ABLIM3: variants seen among roughly 807,000 people sequenced by gnomAD.
ABLIM3 encodes the protein actin-binding LIM protein 3.
ABLIM3 carries 61 observed loss-of-function variants against 109.5 expected under a neutral mutation model. The observed-to-expected ratio is 0.56, with a 90% CI of 0.45 to 0.69. The LOEUF (loss-of-function observed/expected upper bound fraction) is 0.69, where lower values mean the gene tolerates loss of function less well. ABLIM3 is among the 30% of genes least tolerant of loss of function. The pLI, the probability that ABLIM3 is intolerant of heterozygous loss-of-function variation, is 0.00. For missense variants in ABLIM3, 796 were observed against 889.5 expected (o/e 0.89, Z 1.34); for synonymous variants, 300 against 324.8 (o/e 0.92, Z 0.82).
rs370041329 is a variant in ABLIM3, at chr5:149,183,469, C to T, written c.31C>T (p.Pro11Ser). The T allele has an allele frequency of 3.2e-6, 5 of 1,570,406 alleles. No homozygotes were observed. In the African/African-American group the frequency reaches 5.5e-5, roughly 17 times the overall value. Residue 11 changes from proline (P) to serine (S), a missense_variant, in exon 3 of 24, where the codon CCT becomes TCT. Physicochemically the swap from Pro to Ser is moderately conservative, Grantham distance 74. Coordinates refer to ENST00000309868, the MANE Select transcript of ABLIM3 (RefSeq NM_014945.5). MNTSIPYQQNPYNPRGSSNVI... is the reference protein window; with the variant it reads MNTSIPYQQNSYNPRGSSNVI... ...TTTTACAGTTCCTTATCAGCAGAAT[C>T]CTTACAATCCACGGGGCAGCTCCAA...
chr5:149,171,093 C>A (rs998583950), intron 2 of ABLIM3, among the ~76,000 whole-genome samples: 9 of 152,076 alleles, frequency 5.9e-5, no homozygotes, highest in Non-Finnish European at 1.2e-4. Flanking sequence ...TAGATTGTAG[C>A]TATTTGTGGG....
At chr5:149,195,031 T>C (rs1022974970) in intron 3 of ABLIM3, among the ~76,000 whole-genome samples, 1 of 152,234 alleles carries the variant, frequency 6.6e-6, no homozygotes, top group Non-Finnish European at 1.5e-5. Context: ...CTTCTAACTC[T>C]TGGATTTTGA....
In ABLIM3 at chr5:149,251,407, T is replaced by TG; in HGVS notation, c.1841dup (p.Met615HisfsTer10). Reference sequence around the variant, plus strand: ...CTACGACAGCATGAACGCAGTCAACTGGGGCATGCGAGGTGAGTGCAGGCC... The same window carrying TG: ...CTACGACAGCATGAACGCAGTCAACTGGGGGCATGCGAGGTGAGTGCAGGCC... On this transcript the variant is annotated frameshift_variant, in exon 21 of 24. Transcript: ENST00000309868. LOFTEE classifies it high-confidence loss of function. 6.2e-7 allele frequency: 1 copy of TG among 1,614,086 alleles called. No homozygotes were observed. Among genetic ancestry groups the TG allele is most frequent in the Non-Finnish European group, 8.5e-7 (1 of 1,180,002 alleles).
chr5:149,204,055 C>A (rs961180669), intron 5 of ABLIM3, among the ~76,000 whole-genome samples: 59 of 152,318 alleles, frequency 3.9e-4, no homozygotes, highest in African/African-American at 1.3e-3. Flanking sequence ...GTCTAGTCTT[C>A]CTGGATTAGT....
At chr5:149,212,448 G>C (rs557252920) in intron 7 of ABLIM3, among the ~76,000 whole-genome samples, 3 of 152,250 alleles carry the variant, frequency 2.0e-5, no homozygotes, top group Non-Finnish European at 4.4e-5. Context: ...CTTCTGGGAG[G>C]ATGACGTGAT....
At position 149,233,849 on chromosome 5, in the gene ABLIM3, G is replaced by T. The variant is rs945787081; in HGVS notation, c.888+549G>T. ...GGAGCAGACCCACCTCCATGTGTCT[G>T]AGCTCCCATCTCCACAGGCATTCAA... On this transcript the variant is annotated intron_variant, in intron 10 of 23. Coordinates refer to ENST00000309868, the MANE Select transcript of ABLIM3 (RefSeq NM_014945.5). Among the ~76,000 whole-genome samples the T allele has an allele frequency of 4.6e-5, 7 of 152,192 alleles. No individual in the cohort carries two copies. The East Asian group carries it at 1.3e-3, about 29-fold the overall frequency.
intron 8 of ABLIM3, among the ~76,000 whole-genome samples, chr5:149,229,569 T>A (rs1377212211): frequency 1.3e-5 from 2 of 152,186 alleles, no homozygotes; most frequent in African/African-American, 4.8e-5. Flanking sequence ...TAGCTAGTAT[T>A]CCGGTCCTGG....
intron 8 of ABLIM3, among the ~76,000 whole-genome samples, chr5:149,230,389 G>T (rs909213542): frequency 6.6e-6 from 1 of 152,148 alleles, no homozygotes; most frequent in Non-Finnish European, 1.5e-5. Flanking sequence ...CCCCCAACTG[G>T]CAGGTAAGAA....
rs539912117 is a variant in ABLIM3 at position 149,259,239 on chromosome 5, C to T, written c.*835C>T. The stretch of plus-strand genomic sequence containing the variant: ...GATTTCTTGGGACCCTCCTCTCTCC[C>T]TCACTGCTCCCAGCACCTCCTGACC... On this transcript the variant is annotated 3_prime_UTR_variant, in exon 24 of 24. Coordinates refer to ENST00000309868, the MANE Select transcript of ABLIM3 (RefSeq NM_014945.5). 7.4e-5 allele frequency: 90 copies of T among 1,223,356 alleles called. No individual in the cohort carries two copies. The African/African-American group carries it at 1.3e-3, about 18-fold the overall frequency. 75.8% of individuals were successfully genotyped at this position (1,223,356 alleles called of 1,614,324 possible).
chr5:149,214,992 C>T (rs11952874), intron 7 of ABLIM3, among the ~76,000 whole-genome samples: 2,669 of 152,280 alleles, frequency 0.018, 84 homozygotes, highest in African/African-American at 0.06. Context: ...AGCTAGCTGA[C>T]GTGGCTTTTC....
intron 21 of ABLIM3, 82 bp from the exon 22 acceptor site, chr5:149,252,119 G>C: frequency 1.3e-6 from 2 of 1,528,674 alleles, no homozygotes; most frequent in Non-Finnish European, 1.8e-6. Context: ...CCCTGAGAGA[G>C]TAGGACAGAG....
chr5:149,232,945 C>G (rs564951622), intron 9 of ABLIM3, among the ~76,000 whole-genome samples: 8 of 152,238 alleles, frequency 5.3e-5, no homozygotes, highest in African/African-American at 1.9e-4. Context: ...TGGGATAACT[C>G]AAAATGAAAA....
At chr5:149,222,530 T>C (rs1333325013) in intron 8 of ABLIM3, among the ~76,000 whole-genome samples, 4 of 152,140 alleles carry the variant, frequency 2.6e-5, no homozygotes, top group African/African-American at 9.7e-5. Context: ...GAGGTGTCCA[T>C]GGGCCAAAAT....
intron 3 of ABLIM3, among the ~76,000 whole-genome samples, chr5:149,186,991 A>G (rs927327013): frequency 6.6e-6 from 1 of 152,198 alleles, no homozygotes; most frequent in African/African-American, 2.4e-5. Context: ...TGCTAAAGAA[A>G]AAATTAATAA....
In ABLIM3 at chr5:149,242,307, C is replaced by T. The variant is rs142989114; in HGVS notation, c.1304-184C>T. ...GCACCTTACTTGGAACCTGTTGGGA[C>T]GAGGTTGAAAGTTCAACTTTGGAAG... On this transcript the variant is annotated intron_variant, in intron 14 of 23. Transcript: ENST00000309868. Among the ~76,000 whole-genome samples, 165 of 152,266 alleles carry T rather than the reference C, an allele frequency of 1.1e-3. 1 individual carries two copies. The highest frequency in any genetic ancestry group is 1.9e-3 in the Non-Finnish European group (126 of 68,028).
intron 7 of ABLIM3, among the ~76,000 whole-genome samples, chr5:149,213,498 G>A (rs765029329): frequency 2.6e-5 from 4 of 152,234 alleles, no homozygotes; most frequent in Non-Finnish European, 5.9e-5. Flanking sequence ...CAGAAGAGTC[G>A]TTTGTTGGCT....
intron 2 of ABLIM3, among the ~76,000 whole-genome samples, chr5:149,180,992 C>T (rs1197671397): frequency 6.6e-6 from 1 of 152,112 alleles, no homozygotes. Flanking sequence ...AACAATAAGA[C>T]AGGTTGAATT....
At chr5:149,161,912 ATG>A (rs144701169) in intron 2 of ABLIM3, among the ~76,000 whole-genome samples, 12 of 150,548 alleles carry the variant, frequency 8.0e-5, no homozygotes, top group African/African-American at 2.2e-4. Context: ...GTGTATGTGT[ATG>A]TGTGTGTGTG....
At chr5:149,141,776 G>A in intron 1 of ABLIM3, 122 bp downstream of exon 1, 1 of 425,444 alleles carries the variant, frequency 2.4e-6, no homozygotes, top group Non-Finnish European at 4.3e-6. Context: ...ATAGTCCGGG[G>A]TGCGCGCGAG....
Sources: gnomAD v4.1 joint callset for allele counts (sites outside exome capture counted in the v4.1 genomes callset) on GRCh38, gnomAD v4.1.1 for gene constraint, MANE v1.5 for transcripts, NCBI Gene and HGNC (gene_info 2026-07-23, HGNC 2026-07-21) for gene names.